Variants in PRDM5 observed in about 807,000 individuals in gnomAD.
The protein encoded by PRDM5 is PR/SET domain 5.
In PRDM5, 56 loss-of-function variants were observed where a neutral mutation model predicts 81.2. That is an observed-to-expected ratio of 0.69 (90% CI 0.56 to 0.86). The LOEUF is 0.86. Among genes scored for constraint, PRDM5 ranks in the 40% least tolerant of loss-of-function variants. The probability of loss-of-function intolerance (pLI) is 0.00; values close to 1 mark genes in which losing one functional copy is unlikely to be tolerated. For synonymous variants in PRDM5, 267 were observed against 256.4 expected (o/e 1.04, Z -0.39); for missense variants, 697 against 770.1 (o/e 0.91, Z 1.12).
In PRDM5 at chr4:120,707,346, T is replaced by C. The variant is rs1401457427; in HGVS notation, c.1728+2963A>G. Among the ~76,000 whole-genome samples the C allele has an allele frequency of 4.0e-5, 6 of 151,822 alleles. No homozygotes were observed. The East Asian group carries it at 7.8e-4, about 20-fold the overall frequency. On this transcript the variant is annotated intron_variant, in intron 15 of 15. Transcript: ENST00000264808. ...GAAAAAAAAAACATAGTCATCTCAA[T>C]TGATGCAGAAAAGGTATCTGAAAAA...
At chr4:120,894,547 A>T (rs1417749998) in intron 2 of PRDM5, among the ~76,000 whole-genome samples, 1 of 152,206 alleles carries the variant, frequency 6.6e-6, no homozygotes, top group Non-Finnish European at 1.5e-5. Flanking sequence ...TTAAAGTTTG[A>T]CAACACTACT....
intron 14 of PRDM5, among the ~76,000 whole-genome samples, chr4:120,732,236 T>C (rs866736841): frequency 1.3e-5 from 2 of 152,348 alleles, no homozygotes; most frequent in South Asian, 4.1e-4. Context: ...ACAGTTCATA[T>C]GATCATTAGG....
intron 13 of PRDM5, among the ~76,000 whole-genome samples, chr4:120,757,891 T>C (rs74718957): frequency 1.6e-5 from 2 of 127,478 alleles, no homozygotes; most frequent in Admixed American, 8.2e-5. Flanking sequence ...TTCTCCTTCT[T>C]CTTCTTCTTC....
chr4:120,863,356 C>T (rs905941845), intron 2 of PRDM5, among the ~76,000 whole-genome samples: 1 of 151,710 alleles, frequency 6.6e-6, no homozygotes, highest in Non-Finnish European at 1.5e-5. Flanking sequence ...TACACACCTA[C>T]TACGTACTGT....
chr4:120,721,080 G>C (rs1485123287), intron 14 of PRDM5, among the ~76,000 whole-genome samples: 1 of 152,176 alleles, frequency 6.6e-6, no homozygotes, highest in Non-Finnish European at 1.5e-5. Context: ...CAGCCAGAAA[G>C]TCCTGTCACT....
At chr4:120,802,817 A>G (rs1752333689) in intron 8 of PRDM5, among the ~76,000 whole-genome samples, 1 of 152,232 alleles carries the variant, frequency 6.6e-6, no homozygotes, top group Non-Finnish European at 1.5e-5. Flanking sequence ...CCTCCAAAGG[A>G]ACGCAGCTCC....
intron 2 of PRDM5, among the ~76,000 whole-genome samples, chr4:120,863,671 G>C (rs2148509685): frequency 6.6e-6 from 1 of 152,156 alleles, no homozygotes; most frequent in East Asian, 1.9e-4. Context: ...CCCTTTTGTG[G>C]CCAAAAAACA....
chr4:120,746,877 G>A (rs1318627372), intron 14 of PRDM5, among the ~76,000 whole-genome samples: 1 of 149,656 alleles, frequency 6.7e-6, no homozygotes, highest in South Asian at 2.1e-4. Flanking sequence ...TCAGTGTGGC[G>A]ATTCCTCAGG....
chr4:120,685,162 TA>T (rs1464003649), intron 1 of PRDM5: 2 of 152,064 alleles, frequency 1.3e-5, no homozygotes, highest in African/African-American at 4.8e-5. Flanking sequence ...CTATATCACT[TA>T]AAATGTGATT....
At chr4:120,709,162 T>A (rs777398271) in intron 15 of PRDM5, among the ~76,000 whole-genome samples, 12 of 152,152 alleles carry the variant, frequency 7.9e-5, no homozygotes, top group Non-Finnish European at 1.2e-4. Flanking sequence ...TAGAAAGATG[T>A]CCATATGCAG....
At chr4:120,817,705 T>C (rs952345366) in intron 5 of PRDM5, among the ~76,000 whole-genome samples, 4 of 152,198 alleles carry the variant, frequency 2.6e-5, no homozygotes, top group African/African-American at 9.6e-5. Flanking sequence ...CAAATGCATA[T>C]ACCTACTTTC....
chr4:120,735,913 T>C (rs907394105), intron 14 of PRDM5, among the ~76,000 whole-genome samples: 6 of 152,184 alleles, frequency 3.9e-5, no homozygotes, highest in Non-Finnish European at 8.8e-5. Context: ...GATTGTGTAG[T>C]AATTAAGTCA....
downstream of PRDM5, among the ~76,000 whole-genome samples, chr4:120,688,855 T>C (rs1484285574): frequency 4.6e-5 from 7 of 152,216 alleles, no homozygotes; most frequent in African/African-American, 1.7e-4. Context: ...CAGTAAAAAC[T>C]GGCATAAATA....
rs183871098 is a variant in PRDM5 at position 120,816,088 on chromosome 4, G to T, written c.865+365C>A. 121 of 273,878 alleles carry T rather than the reference G, an allele frequency of 4.4e-4. 2 individuals carry two copies. The highest frequency in any genetic ancestry group is 2.6e-3 in the African/African-American group (117 of 44,386). 17.0% of individuals were successfully genotyped at this position (273,878 alleles called of 1,614,324 possible). A position where few individuals can be genotyped will look rare whatever the true frequency, so the allele number is the denominator to read the frequency against. On this transcript the variant is annotated intron_variant, in intron 7 of 15. Transcript: ENST00000264808. Reference sequence around the variant, plus strand: ...TACTGTAAAAATAATAAGGCAGAAGGACATCACTTAATAATGATAAATTTT... The same window carrying T: ...TACTGTAAAAATAATAAGGCAGAAGTACATCACTTAATAATGATAAATTTT...
intron 1 of PRDM5, among the ~76,000 whole-genome samples, chr4:120,908,726 T>C (rs1010260059): frequency 6.6e-6 from 1 of 152,110 alleles, no homozygotes; most frequent in Admixed American, 6.5e-5. Flanking sequence ...AGACTATAAT[T>C]GTAAGTAATT....
In PRDM5 at chr4:120,816,415, G is replaced by T. The variant is rs190898199; in HGVS notation, c.865+38C>A. The T allele has an allele frequency of 1.2e-3, 2,006 of 1,614,114 alleles. 24 individuals carry two copies. The highest frequency in any genetic ancestry group is 5.3e-3 in the Middle Eastern group (32 of 6,062). ...ACAGATCGCTGCAGCCTGGGGAAAG[G>T]AAGCCCCTTCGGAAACGACCCTCCA... On this transcript the variant is annotated intron_variant, in intron 7 of 15. Coordinates refer to ENST00000264808, the MANE Select transcript of PRDM5 (RefSeq NM_018699.4).
chr4:120,873,962 T>G (rs373474481), intron 2 of PRDM5, among the ~76,000 whole-genome samples: 1 of 152,166 alleles, frequency 6.6e-6, no homozygotes, highest in East Asian at 1.9e-4. Flanking sequence ...TTATCCAGTT[T>G]TTTTATTTAA....
intron 2 of PRDM5, among the ~76,000 whole-genome samples, chr4:120,875,733 A>G (rs1032814225): frequency 1.2e-4 from 18 of 152,224 alleles, no homozygotes; most frequent in Non-Finnish European, 8.8e-5. Flanking sequence ...GTAGAGTAGT[A>G]GACAGGGGGC....
chr4:120,771,492 A>G (rs1319468865), intron 13 of PRDM5, among the ~76,000 whole-genome samples: 3 of 152,188 alleles, frequency 2.0e-5, no homozygotes, highest in African/African-American at 7.2e-5. Context: ...TTTTAAAAAA[A>G]GTCTTAGTTA....
Sources: gnomAD v4.1 joint callset for allele counts (sites outside exome capture counted in the v4.1 genomes callset) on GRCh38, gnomAD v4.1.1 for gene constraint, MANE v1.5 for transcripts, NCBI Gene and HGNC (gene_info 2026-07-23, HGNC 2026-07-21) for gene names.